ZBTB25: variants seen among roughly 807,000 people sequenced by gnomAD.
ZBTB25 encodes the protein zinc finger and BTB domain containing 25.
In ZBTB25, 20 loss-of-function variants were observed where a neutral mutation model predicts 34.2. The observed-to-expected ratio is 0.58, with a 90% CI of 0.41 to 0.85. The LOEUF (loss-of-function observed/expected upper bound fraction) is 0.85, where lower values mean the gene tolerates loss of function less well. Ranked by LOEUF, ZBTB25 falls within the 40% of genes least tolerant of loss-of-function variation. ZBTB25 has a pLI of 0.00. For missense variants in ZBTB25, 437 were observed against 521.8 expected (o/e 0.84, Z 1.58); for synonymous variants, 175 against 186.4 (o/e 0.94, Z 0.50).
chr14:64,500,332 T>A (rs2079443045), intron 1 of ZBTB25, among the ~76,000 whole-genome samples: 1 of 151,866 alleles, frequency 6.6e-6, no homozygotes, highest in African/African-American at 2.4e-5. Flanking sequence ...TTGCTTAAAG[T>A]GCTTGGAGAT....
rs183501365 is a variant in ZBTB25, at chr14:64,482,080, G to A, written c.*4843C>T. The A allele has an allele frequency of 1.2e-4, 18 of 152,204 alleles. No homozygotes were observed. The highest frequency in any genetic ancestry group is 4.3e-4 in the African/African-American group (18 of 41,536). The allele number at this position is 152,204 out of a possible 1,614,324, so 9.4% of individuals were successfully genotyped here. ...ATATGTATTTCCTTCAATTTTCAGT[G>A]AAGACTTTTCTAATAATACTATTAT... On this transcript the variant is annotated 3_prime_UTR_variant, in exon 3 of 3. Coordinates refer to ENST00000608382, the MANE Select transcript of ZBTB25 (RefSeq NM_006977.5).
chr14:64,453,708 C>A, intron 2 of ZBTB25: 1 of 1,156,682 alleles, frequency 8.6e-7, no homozygotes, highest in Non-Finnish European at 1.3e-6. Context: ...TAAATGTCCT[C>A]ACATGTGTCC....
upstream of ZBTB25, chr14:64,504,725 CAG>C: frequency 2.7e-6 from 1 of 373,850 alleles, no homozygotes; most frequent in Non-Finnish European, 4.8e-6. Context: ...GGGGCCGGCT[CAG>C]TGCGGTGCGG....
In ZBTB25 at chr14:64,498,160, T is replaced by G. The variant is rs139070417; in HGVS notation, c.-8+5501A>C. On this transcript the variant is annotated intron_variant, in intron 1 of 2. Transcript: ENST00000608382. ...TTTAATTATGTAGAGAATGAAACAA[T>G]GTTTGTAGAAATCATTTTATCCTGA... Among the ~76,000 whole-genome samples the G allele has an allele frequency of 1.9e-3, 295 of 152,338 alleles. 1 individual carries two copies. The highest frequency in any genetic ancestry group is 6.8e-3 in the Middle Eastern group (2 of 294).
chr14:64,502,962 T>G, intron 1 of ZBTB25: 1 of 985,444 alleles, frequency 1.0e-6, no homozygotes, highest in Non-Finnish European at 1.2e-6. Context: ...AGAGAAAGAA[T>G]GCCAAATTTA....
At chr14:64,477,079 T>C (rs1352767284), downstream of ZBTB25, among the ~76,000 whole-genome samples, 1 of 152,276 alleles carries the variant, frequency 6.6e-6, no homozygotes, top group Non-Finnish European at 1.5e-5. Flanking sequence ...TTCTGATTTC[T>C]ATACCACTTG....
intron 1 of ZBTB25, 108 bp downstream of exon 1, chr14:64,503,553 T>C (rs1361349463): frequency 5.1e-6 from 5 of 985,982 alleles, no homozygotes; most frequent in Non-Finnish European, 6.0e-6. Flanking sequence ...CCCCAGCTAC[T>C]TGCATCTGTC....
intron 2 of ZBTB25, chr14:64,468,256 G>A (rs1356672407): frequency 1.6e-5 from 12 of 735,956 alleles, no homozygotes; most frequent in Non-Finnish European, 2.6e-5. Context: ...TAAAACAACT[G>A]TATGGAGTAA....
Position 64,483,420 on chromosome 14 carries a change from G to T in ZBTB25, c.*3503C>A, listed in dbSNP as rs1411814824. 1 of 152,152 alleles carries T rather than the reference G, an allele frequency of 6.6e-6. No homozygotes were observed. The highest frequency in any genetic ancestry group is 1.5e-5 in the Non-Finnish European group (1 of 68,160). 9.4% of individuals were successfully genotyped at this position (152,152 alleles called of 1,614,324 possible). Reference sequence around the variant, plus strand: ...AGCCTCTCGAGTAGCTGGGATTACAGGTGTGTGCCACCACACCCGGCTAAT... The same window carrying T: ...AGCCTCTCGAGTAGCTGGGATTACATGTGTGTGCCACCACACCCGGCTAAT... On this transcript the variant is annotated 3_prime_UTR_variant, in exon 3 of 3. Transcript: ENST00000608382.
At chr14:64,453,732 C>G in intron 2 of ZBTB25, 2 of 1,403,290 alleles carry the variant, frequency 1.4e-6, no homozygotes, top group Non-Finnish European at 2.0e-6. Flanking sequence ...CATGGTGTCC[C>G]CATCTCTTTC....
At chr14:64,459,690 T>C in intron 2 of ZBTB25, 1 of 1,347,518 alleles carries the variant, frequency 7.4e-7, no homozygotes, top group Middle Eastern at 2.5e-4. Context: ...AATGGTGCAG[T>C]ATGGAAGGAA....
At chr14:64,460,128 A>G in intron 2 of ZBTB25, 1 of 580,606 alleles carries the variant, frequency 1.7e-6, no homozygotes, top group South Asian at 2.2e-5. Context: ...TGTGCCCTTT[A>G]TGATACTGTT....
In ZBTB25 at chr14:64,487,936, T is replaced by C. The variant is rs1212355291; in HGVS notation, c.295A>G (p.Ile99Val). Residue 99 changes from isoleucine (I) to valine (V), a missense_variant, in exon 3 of 3, where the codon ATT becomes GTT. Transcript: ENST00000608382. ...IVDHSRLEEG[I>V]RFLHADYLSH... ...AGGTAGTCGGCGTGAAGAAATCGAA[T>C]CCCTTCCTCCAAACGACTATGATCC... 3 of 1,614,164 alleles carry C rather than the reference T, an allele frequency of 1.9e-6. No individual in the cohort carries two copies. Among genetic ancestry groups the C allele is most frequent in the Admixed American group, 1.7e-5 (1 of 60,024 alleles).
In ZBTB25 at chr14:64,489,789, CT is replaced by C. The variant is rs1441743548; in HGVS notation, c.173+571del. 2.0e-5 allele frequency among the ~76,000 whole-genome samples: 3 copies of C among 151,912 alleles called. No homozygotes were observed. In the East Asian group the frequency reaches 5.9e-4, roughly 30 times the overall value. On this transcript the variant is annotated intron_variant, in intron 2 of 2. Coordinates refer to ENST00000608382, the MANE Select transcript of ZBTB25 (RefSeq NM_006977.5). ...GACCTTGTGATCCGCCCACCTTGGC[CT>C]CCCAAAGTGCTGGGATTACAGGCGT...
rs565289347 is a variant in ZBTB25 at position 64,450,621 on chromosome 14, A to C, written c.174-983T>G. 2.5e-3 allele frequency among the ~76,000 whole-genome samples: 375 copies of C among 152,336 alleles called. 1 individual carries two copies. Among genetic ancestry groups the C allele is most frequent in the Non-Finnish European group, 3.4e-3 (234 of 68,030 alleles). ...ATTTGACATTAAGTAGTATGGAAAC[A>C]ACAACTGGAAACTTTGTTAGGAATA... On this transcript the variant is annotated intron_variant, in intron 2 of 2. Coordinates refer to the ZBTB25 transcript ENST00000555220.
chr14:64,496,223 G>A (rs1010741324), intron 1 of ZBTB25, among the ~76,000 whole-genome samples: 10 of 152,218 alleles, frequency 6.6e-5, no homozygotes, highest in Non-Finnish European at 1.2e-4. Flanking sequence ...GGTGGCTCAC[G>A]CCTGTAATCC....
chr14:64,495,341 C>T (rs1217582628), intron 1 of ZBTB25, among the ~76,000 whole-genome samples: 1 of 152,270 alleles, frequency 6.6e-6, no homozygotes, highest in South Asian at 2.1e-4. Flanking sequence ...GGAGGCTGCT[C>T]CACACATGTA....
At chr14:64,491,328 T>C (rs1360144117) in intron 1 of ZBTB25, among the ~76,000 whole-genome samples, 1 of 152,112 alleles carries the variant, frequency 6.6e-6, no homozygotes, top group African/African-American at 2.4e-5. Context: ...TAGCTAGGTA[T>C]GGTGGCATGC....
At position 64,485,950 on chromosome 14, in the gene ZBTB25, A is replaced by G. The variant is rs2078853328; in HGVS notation, c.*973T>C. ...TGCATGCTTATTTATCTATGTGTGT[A>G]TATCTTACTGTTTCTTAAATATTTT... On this transcript the variant is annotated 3_prime_UTR_variant, in exon 3 of 3. Coordinates refer to ENST00000608382, the MANE Select transcript of ZBTB25 (RefSeq NM_006977.5). The G allele has an allele frequency of 2.0e-6, 2 of 984,956 alleles. No homozygotes were observed. Among genetic ancestry groups the G allele is most frequent in the East Asian group, 1.1e-4 (1 of 8,816 alleles). 61.0% of individuals were successfully genotyped at this position (984,956 alleles called of 1,614,324 possible).
Sources: gnomAD v4.1 joint callset for allele counts (sites outside exome capture counted in the v4.1 genomes callset) on GRCh38, gnomAD v4.1.1 for gene constraint, MANE v1.5 for transcripts, NCBI Gene and HGNC (gene_info 2026-07-23, HGNC 2026-07-21) for gene names.